LDB3: variants seen among roughly 807,000 people sequenced by gnomAD.
LDB3 encodes LIM domain binding 3, also known as LIM domain-binding protein 3.
LDB3 carries 49 observed loss-of-function variants against 69.0 expected under a neutral mutation model. The ratio of observed to expected loss-of-function variants is 0.71; its 90% CI spans 0.56 to 0.90. The LOEUF (loss-of-function observed/expected upper bound fraction) is 0.90. LDB3 is among the 40% of genes least tolerant of loss of function. LDB3 has a pLI of 0.00. For missense variants in LDB3, 928 were observed against 974.1 expected (o/e 0.95, Z 0.63); for synonymous variants, 387 against 396.2 (o/e 0.98, Z 0.28).
Position 86,735,071 on chromosome 10 carries a change from AC to A in LDB3, c.*2096del, listed in dbSNP as rs1428687149. The A allele has an allele frequency of 2.0e-5, 3 of 150,404 alleles. No homozygotes were observed. The highest frequency in any genetic ancestry group is 7.4e-5 in the African/African-American group (3 of 40,798). The allele number at this position is 150,404 out of a possible 1,614,324, so 9.3% of individuals were successfully genotyped here. On this transcript the variant is annotated 3_prime_UTR_variant, in exon 14 of 14. Transcript: ENST00000361373. ...AGGGTTTACACACACACACACACAC[AC>A]ACACACACACACACACACACACACA...
rs1844270199 is a variant in LDB3 at position 86,668,512 on chromosome 10, T to C, written c.-82T>C. On this transcript the variant is annotated 5_prime_UTR_variant, in exon 1 of 14. Transcript: ENST00000361373. The stretch of plus-strand genomic sequence containing the variant: ...TGTCGATGGCATTCGCTCCCAGCTA[T>C]TCTTAGGAGCCTCTCAAGAGCTCCA... The C allele has an allele frequency of 1.5e-6, 1 of 687,514 alleles. No homozygotes were observed. The highest frequency in any genetic ancestry group is 1.5e-5 in the South Asian group (1 of 66,004). The allele number at this position is 687,514 out of a possible 1,614,324, so 42.6% of individuals were successfully genotyped here. A position where few individuals can be genotyped will look rare whatever the true frequency, so the allele number is the denominator to read the frequency against.
At position 86,679,378 on chromosome 10, in the gene LDB3, C is replaced by G; in HGVS notation, c.105C>G (p.Gly35=). 1 of 1,614,172 alleles carries G rather than the reference C, an allele frequency of 6.2e-7. No individual in the cohort carries two copies. The highest frequency in any genetic ancestry group is 8.5e-7 in the Non-Finnish European group (1 of 1,180,030). ...MPLTISRITP[G]SKAAQSQLSQ... is the part of the protein sequence containing the mutation. ...CACTATCCAATCAGATCACACCAGGCAGCAAGGCAGCCCAGTCCCAGCTCA... is the reference window on the plus strand; with the variant it reads ...CACTATCCAATCAGATCACACCAGGGAGCAAGGCAGCCCAGTCCCAGCTCA... Residue 35 remains glycine, a synonymous_variant, in exon 3 of 14, where the codon GGC becomes GGG. Coordinates refer to ENST00000361373, the MANE Select transcript of LDB3 (RefSeq NM_007078.3).
intron 3 of LDB3, 31 bp from the exon 4 acceptor site, chr10:86,680,051 C>G: frequency 6.2e-7 from 1 of 1,603,238 alleles, no homozygotes; most frequent in East Asian, 2.2e-5. Flanking sequence ...GGGGCAACTT[C>G]CTCACCTGGT....
chr10:86,681,945 C>G, intron 5 of LDB3, 142 bp downstream of exon 5: 1 of 864,878 alleles, frequency 1.2e-6, no homozygotes, highest in East Asian at 2.5e-5. Flanking sequence ...AGCAGTGATC[C>G]TGCGGCATTT....
intron 7 of LDB3, among the ~76,000 whole-genome samples, chr10:86,698,503 C>T (rs1846106110): frequency 6.6e-6 from 1 of 152,148 alleles, no homozygotes; most frequent in Admixed American, 6.5e-5. Flanking sequence ...TCTCTTCCTC[C>T]ATTCATTCCC....
chr10:86,705,521 C>A (rs1564651390), intron 7 of LDB3, among the ~76,000 whole-genome samples: 1 of 152,170 alleles, frequency 6.6e-6, no homozygotes, highest in Non-Finnish European at 1.5e-5. Flanking sequence ...AGTTAGCAAC[C>A]CAGCTCTGAC....
Position 86,680,065 on chromosome 10 carries a change from A to G in LDB3, c.246-17A>G. 6.2e-7 allele frequency: 1 copy of G among 1,612,964 alleles called. No individual in the cohort carries two copies. The highest frequency in any genetic ancestry group is 8.5e-7 in the Non-Finnish European group (1 of 1,179,010). Reference sequence around the variant, plus strand: ...AGGGGCAACTTCCTCACCTGGTCTCATTTCTGGTTTCTACAGATCAAAGCG... The same window carrying G: ...AGGGGCAACTTCCTCACCTGGTCTCGTTTCTGGTTTCTACAGATCAAAGCG... On this transcript the variant is annotated splice_polypyrimidine_tract_variant and intron_variant, in intron 3 of 13. Coordinates refer to ENST00000361373, the MANE Select transcript of LDB3 (RefSeq NM_007078.3).
At chr10:86,702,389 C>G (rs995425213) in intron 7 of LDB3, among the ~76,000 whole-genome samples, 1 of 152,158 alleles carries the variant, frequency 6.6e-6, no homozygotes, top group African/African-American at 2.4e-5. Context: ...CAACCAAACC[C>G]CACCATTCCC....
chr10:86,732,009 CTTT>C (rs1323088769), intron 13 of LDB3, among the ~76,000 whole-genome samples: 1 of 91,040 alleles, frequency 1.1e-5, no homozygotes, highest in Non-Finnish European at 2.5e-5. Flanking sequence ...CTTTCTTTTT[CTTT>C]TTTTTTTTTT....
At chr10:86,686,942 C>A in intron 5 of LDB3, 1 of 862,934 alleles carries the variant, frequency 1.2e-6, no homozygotes, top group Non-Finnish European at 1.9e-6. Context: ...GGTTCAGGGC[C>A]TCGGCTCTGG....
At chr10:86,697,102 T>C (rs902341296) in intron 7 of LDB3, among the ~76,000 whole-genome samples, 4 of 152,050 alleles carry the variant, frequency 2.6e-5, no homozygotes, top group African/African-American at 9.7e-5. Context: ...TGTGGGGACA[T>C]GGGGGCCAGC....
chr10:86,704,781 A>G (rs1446593446), intron 7 of LDB3, among the ~76,000 whole-genome samples: 1 of 151,202 alleles, frequency 6.6e-6, no homozygotes, highest in Non-Finnish European at 1.5e-5. Flanking sequence ...ATGAGGTTTC[A>G]CTGTGTTAGC....
chr10:86,715,609 A>G (rs1490967606), intron 9 of LDB3, among the ~76,000 whole-genome samples: 1 of 152,108 alleles, frequency 6.6e-6, no homozygotes, highest in Non-Finnish European at 1.5e-5. Context: ...CACCAAAGCG[A>G]TGTGGGAGTA....
intron 5 of LDB3, chr10:86,685,850 C>A: frequency 1.0e-6 from 1 of 953,906 alleles, no homozygotes; most frequent in South Asian, 1.3e-5. Context: ...CCTGGGTGAG[C>A]CTGCATGTGT....
rs779234633 is a variant in LDB3, at chr10:86,679,457, C to T, written c.184C>T (p.His62Tyr). 1.2e-6 allele frequency: 2 copies of T among 1,614,150 alleles called. No individual in the cohort carries two copies. The highest frequency in any genetic ancestry group is 1.7e-6 in the Non-Finnish European group (2 of 1,180,032). ...CGGCGTCAACACAGACACCATGACC[C>T]ACCTGGAAGCCCAGAACAAGATCAA... ...IDGVNTDTMT[H>Y]LEAQNKIKSA... The change falls in exon 3 of 14, where the codon CAC becomes TAC. Residue 62 changes from histidine to tyrosine, a missense_variant. Physicochemically the swap from His to Tyr is moderately conservative, Grantham distance 83 (BLOSUM62 2). Transcript: ENST00000361373.
intron 8 of LDB3, 23 bp downstream of exon 8, chr10:86,706,742 G>A (rs1278880838): frequency 1.3e-6 from 2 of 1,596,494 alleles, no homozygotes; most frequent in Non-Finnish European, 1.7e-6. Flanking sequence ...CAGGTGCTGG[G>A]CCTGACCCTG....
At chr10:86,724,359 C>T (rs1286945945) in intron 12 of LDB3, among the ~76,000 whole-genome samples, 1 of 151,598 alleles carries the variant, frequency 6.6e-6, no homozygotes, top group Non-Finnish European at 1.5e-5. Flanking sequence ...AATCCCAGAA[C>T]TTTGGGAGGC....
chr10:86,679,307 C>T (rs1589617529), intron 2 of LDB3, 60 bp from the exon 3 acceptor site: 1 of 1,601,042 alleles, frequency 6.2e-7, no homozygotes, highest in East Asian at 2.2e-5. Flanking sequence ...TCCCCAAGGA[C>T]TGGCCTTTCC....
At chr10:86,684,436 G>GCT (rs1845346793) in intron 5 of LDB3, among the ~76,000 whole-genome samples, 1 of 152,266 alleles carries the variant, frequency 6.6e-6, no homozygotes, top group African/African-American at 2.4e-5. Flanking sequence ...CCTCTGCAGG[G>GCT]GGCCCTGGGC....
Sources: allele counts gnomAD v4.1 joint callset (sites outside exome capture counted in the v4.1 genomes callset), GRCh38; gene constraint gnomAD v4.1.1; transcripts MANE v1.5; gene names NCBI Gene and HGNC (gene_info 2026-07-23, HGNC 2026-07-21).